The following DOCK3 variants were observed in gnomAD, a reference collection of about 807,000 sequenced individuals.
DOCK3 encodes dedicator of cytokinesis protein 3.
In DOCK3, 60 loss-of-function variants were observed where a neutral mutation model predicts 265.6. That is an observed-to-expected ratio of 0.23 (90% CI 0.18 to 0.28). The LOEUF (loss-of-function observed/expected upper bound fraction) is 0.28. DOCK3 is among the 10% of genes least tolerant of loss of function. DOCK3 has a pLI of 1.00. For missense variants in DOCK3, 1,981 were observed against 2,594.3 expected, an observed-to-expected ratio of 0.76 and a Z score of 5.14; for synonymous variants, 881 against 938.0, an observed-to-expected ratio of 0.94 and a Z score of 1.11.
rs992571389 is a variant in DOCK3, at chr3:50,941,654, A to G, written c.315+7577A>G. ...TTTATTTCTAATAGCATAAACTGGA[A>G]GCAATCCAAATATCCTTCAGTAGGT... On this transcript the variant is annotated intron_variant, in intron 5 of 52. Coordinates refer to ENST00000266037, the MANE Select transcript of DOCK3 (RefSeq NM_004947.5). Among the ~76,000 whole-genome samples the G allele has an allele frequency of 3.3e-5, 5 of 152,262 alleles. No homozygotes were observed. In the South Asian group the frequency reaches 1.0e-3, roughly 32 times the overall value.
At chr3:51,174,471 A>AAAATAAATAAATAAAT (rs372524349) in intron 12 of DOCK3, among the ~76,000 whole-genome samples, 1 of 150,102 alleles carries the variant, frequency 6.7e-6, no homozygotes, top group African/African-American at 2.5e-5. Flanking sequence ...TCTTGTCTCA[A>AAAATAAATAAATAAAT]AAATAAATAA....
At chr3:50,735,802 C>T (rs1341288927) in intron 1 of DOCK3, among the ~76,000 whole-genome samples, 1 of 152,116 alleles carries the variant, frequency 6.6e-6, no homozygotes, top group Non-Finnish European at 1.5e-5. Context: ...TTAATTGGCT[C>T]ATGGTTCTGC....
At chr3:51,258,462 A>T (rs2079667823) in intron 22 of DOCK3, among the ~76,000 whole-genome samples, 1 of 152,044 alleles carries the variant, frequency 6.6e-6, no homozygotes, top group Non-Finnish European at 1.5e-5. Flanking sequence ...CCAGGTCTTA[A>T]TTCTTTTCAT....
chr3:51,147,975 T>C (rs2085385956), intron 10 of DOCK3, among the ~76,000 whole-genome samples: 1 of 152,236 alleles, frequency 6.6e-6, no homozygotes, highest in Admixed American at 6.5e-5. Context: ...AAAGCGTTCC[T>C]ATTTCTCCAC....
At chr3:51,174,056 G>A (rs955898510) in intron 12 of DOCK3, among the ~76,000 whole-genome samples, 11 of 152,260 alleles carry the variant, frequency 7.2e-5, no homozygotes, top group African/African-American at 2.6e-4. Context: ...TATTCTGCAT[G>A]ATTGAGTCTG....
At chr3:50,746,644 G>C (rs1488882121) in intron 1 of DOCK3, among the ~76,000 whole-genome samples, 1 of 152,166 alleles carries the variant, frequency 6.6e-6, no homozygotes, top group Non-Finnish European at 1.5e-5. Context: ...TCTGCAGGCT[G>C]TACACACGGC....
chr3:51,073,711 T>C (rs1222454677), intron 6 of DOCK3, among the ~76,000 whole-genome samples: 2 of 152,168 alleles, frequency 1.3e-5, no homozygotes, highest in Admixed American at 6.5e-5. Context: ...AATTAGTGGA[T>C]AATAGAAAAA....
intron 2 of DOCK3, among the ~76,000 whole-genome samples, chr3:50,783,947 A>C (rs552666158): frequency 6.2e-4 from 94 of 150,622 alleles, no homozygotes; most frequent in Middle Eastern, 6.9e-3. Context: ...GGCTCACCGC[A>C]ACCTCCGCCT....
At chr3:51,138,212 A>G (rs1432960411) in intron 9 of DOCK3, among the ~76,000 whole-genome samples, 2 of 152,256 alleles carry the variant, frequency 1.3e-5, no homozygotes, top group Admixed American at 6.5e-5. Flanking sequence ...TAAAACAGCT[A>G]TTGACAAATC....
At chr3:50,878,989 A>G (rs1322238145) in intron 3 of DOCK3, among the ~76,000 whole-genome samples, 1 of 152,218 alleles carries the variant, frequency 6.6e-6, no homozygotes, top group Non-Finnish European at 1.5e-5. Flanking sequence ...TTCTTAAAGA[A>G]AAGAATTTTC....
intron 3 of DOCK3, among the ~76,000 whole-genome samples, chr3:50,848,614 C>G (rs2046208051): frequency 6.6e-6 from 1 of 152,146 alleles, no homozygotes; most frequent in South Asian, 2.1e-4. Flanking sequence ...CTAAAATAGG[C>G]CCCCAATCTC....
intron 51 of DOCK3, 76 bp downstream of exon 51, chr3:51,375,911 C>A (rs2088086075): frequency 2.7e-6 from 4 of 1,483,198 alleles, no homozygotes; most frequent in Non-Finnish European, 3.8e-6. Flanking sequence ...TGAGTACCAG[C>A]TGGCCAGGGC....
chr3:51,367,262 T>C (rs1456034144), intron 49 of DOCK3, among the ~76,000 whole-genome samples: 2 of 152,236 alleles, frequency 1.3e-5, no homozygotes, highest in Admixed American at 6.5e-5. Flanking sequence ...TTTATCTCTT[T>C]TGATCTTTGT....
At chr3:50,981,733 TAA>T (rs1430950018) in intron 5 of DOCK3, among the ~76,000 whole-genome samples, 1 of 152,238 alleles carries the variant, frequency 6.6e-6, no homozygotes, top group Non-Finnish European at 1.5e-5. Flanking sequence ...GTTTTTGACT[TAA>T]AGTTTGTTTG....
chr3:51,306,873 C>T (rs1265415218), intron 27 of DOCK3, among the ~76,000 whole-genome samples: 1 of 152,206 alleles, frequency 6.6e-6, no homozygotes, highest in African/African-American at 2.4e-5. Context: ...ATTTTCCAAG[C>T]AAGTCCAATG....
At chr3:51,068,194 A>G (rs1002090548) in intron 6 of DOCK3, among the ~76,000 whole-genome samples, 5 of 152,206 alleles carry the variant, frequency 3.3e-5, no homozygotes, top group Admixed American at 6.5e-5. Context: ...AAATATGTCT[A>G]CATCACTATG....
At chr3:51,340,937 C>CAG (rs1382482277) in intron 37 of DOCK3, among the ~76,000 whole-genome samples, 3 of 152,200 alleles carry the variant, frequency 2.0e-5, no homozygotes, top group Non-Finnish European at 1.5e-5. Flanking sequence ...CAAAGCAAGG[C>CAG]AGCCTGTGCA....
intron 5 of DOCK3, among the ~76,000 whole-genome samples, chr3:51,018,746 C>T (rs867884205): frequency 2.0e-5 from 3 of 151,698 alleles, no homozygotes; most frequent in South Asian, 4.1e-4. Context: ...CCACTTGTGG[C>T]ATCATGTCGG....
chr3:50,872,277 G>GT (rs1193503868), intron 3 of DOCK3, among the ~76,000 whole-genome samples: 1 of 152,228 alleles, frequency 6.6e-6, no homozygotes, highest in East Asian at 1.9e-4. Context: ...TAATGCTGTG[G>GT]TTTTTTCAGA....
Sources: gnomAD v4.1 joint callset for allele counts (sites outside exome capture counted in the v4.1 genomes callset) on GRCh38, gnomAD v4.1.1 for gene constraint, MANE v1.5 for transcripts, NCBI Gene and HGNC (gene_info 2026-07-23, HGNC 2026-07-21) for gene names.